RALYL: variants seen among roughly 807,000 people sequenced by gnomAD.
RALYL encodes the protein RNA-binding Raly-like protein.
RALYL carries 29 observed loss-of-function variants against 35.1 expected under a neutral mutation model. That is an observed-to-expected ratio of 0.83 (90% CI 0.61 to 1.13). RALYL has a LOEUF of 1.13. RALYL is among the 50% of genes most tolerant of loss of function. The pLI is 0.00. For missense variants in RALYL, 359 were observed against 360.4 expected (o/e 1.00, Z 0.03); for synonymous variants, 120 against 127.6 (o/e 0.94, Z 0.40).
intron 8 of RALYL, among the ~76,000 whole-genome samples, chr8:84,896,512 T>A (rs1419889371): frequency 2.6e-5 from 4 of 152,166 alleles, no homozygotes; most frequent in African/African-American, 9.7e-5. Flanking sequence ...CTGCCTACCT[T>A]GCTTGGAATA....
intron 8 of RALYL, among the ~76,000 whole-genome samples, chr8:84,891,896 T>A (rs1453529296): frequency 2.0e-5 from 3 of 152,144 alleles, no homozygotes; most frequent in Admixed American, 2.0e-4. Context: ...AAAGATACAA[T>A]ATAATTAGAG....
At chr8:84,647,193 A>G (rs978535535) in intron 2 of RALYL, among the ~76,000 whole-genome samples, 2 of 152,100 alleles carry the variant, frequency 1.3e-5, no homozygotes, top group Non-Finnish European at 1.5e-5. Flanking sequence ...AGAAAGTTAT[A>G]TTAAACAAAG....
chr8:84,472,125 C>T (rs2052850624), intron 1 of RALYL, among the ~76,000 whole-genome samples: 1 of 152,174 alleles, frequency 6.6e-6, no homozygotes, highest in South Asian at 2.1e-4. Flanking sequence ...TTCTCATCTG[C>T]TGCTTATCTA....
intron 2 of RALYL, among the ~76,000 whole-genome samples, chr8:84,716,417 G>T (rs1015752833): frequency 3.3e-5 from 5 of 152,250 alleles, no homozygotes; most frequent in African/African-American, 1.2e-4. Context: ...ATCAGAAAAG[G>T]TTTACTTTTA....
At chr8:84,642,826 C>A (rs1368505356) in intron 2 of RALYL, among the ~76,000 whole-genome samples, 1 of 151,980 alleles carries the variant, frequency 6.6e-6, no homozygotes, top group Non-Finnish European at 1.5e-5. Flanking sequence ...AGCTTTTGAG[C>A]CACCTCAAGG....
At chr8:84,475,839 G>T (rs1378676650) in intron 1 of RALYL, among the ~76,000 whole-genome samples, 1 of 152,064 alleles carries the variant, frequency 6.6e-6, no homozygotes, top group Non-Finnish European at 1.5e-5. Flanking sequence ...AGTCTAGGCT[G>T]GCATAGTCTA....
At chr8:84,715,498 T>C (rs1842828330) in intron 2 of RALYL, among the ~76,000 whole-genome samples, 1 of 151,980 alleles carries the variant, frequency 6.6e-6, no homozygotes, top group Admixed American at 6.6e-5. Flanking sequence ...ATATAAGTTT[T>C]ACCAATATCC....
chr8:84,435,826 G>A (rs574017538), intron 1 of RALYL, among the ~76,000 whole-genome samples: 1 of 152,254 alleles, frequency 6.6e-6, no homozygotes, highest in Admixed American at 6.5e-5. Context: ...TTTCAGGGCA[G>A]GACCCAGTCT....
chr8:84,570,559 G>A (rs1034385564), intron 2 of RALYL, among the ~76,000 whole-genome samples: 3 of 151,768 alleles, frequency 2.0e-5, no homozygotes, highest in African/African-American at 7.3e-5. Flanking sequence ...TTCCAATTTG[G>A]ATGCCTTTTA....
chr8:84,216,132 G>T (rs1158625847), intron 1 of RALYL, among the ~76,000 whole-genome samples: 1 of 152,052 alleles, frequency 6.6e-6, no homozygotes, highest in Non-Finnish European at 1.5e-5. Flanking sequence ...GTACAGATAA[G>T]AAAACAGCTT....
At chr8:84,356,854 T>G (rs951777155) in intron 1 of RALYL, among the ~76,000 whole-genome samples, 2 of 137,220 alleles carry the variant, frequency 1.5e-5, no homozygotes, top group Non-Finnish European at 3.1e-5. Flanking sequence ...TGGGCCAGAT[T>G]CAAATTGAGG....
chr8:84,301,562 A>G (rs1226803621), intron 1 of RALYL, among the ~76,000 whole-genome samples: 1 of 151,852 alleles, frequency 6.6e-6, no homozygotes, highest in Admixed American at 6.6e-5. Flanking sequence ...GAAACTCACA[A>G]CGTGATCTTA....
chr8:84,833,991 G>A (rs764864324), intron 4 of RALYL, among the ~76,000 whole-genome samples: 1 of 151,878 alleles, frequency 6.6e-6, no homozygotes, highest in Non-Finnish European at 1.5e-5. Context: ...ATTTTTAAAA[G>A]CTAGTCTCCA....
intron 2 of RALYL, among the ~76,000 whole-genome samples, chr8:84,658,762 G>T (rs956764970): frequency 6.6e-6 from 1 of 152,068 alleles, no homozygotes; most frequent in Non-Finnish European, 1.5e-5. Flanking sequence ...TCTGTGGCTA[G>T]AATTTGTCAT....
chr8:84,595,434 T>A (rs1193907373), intron 2 of RALYL, among the ~76,000 whole-genome samples: 3 of 152,250 alleles, frequency 2.0e-5, no homozygotes, highest in Non-Finnish European at 2.9e-5. Context: ...ATGACTGATG[T>A]ACAATGAGTC....
At chr8:84,400,746 T>C (rs2042807469) in intron 1 of RALYL, among the ~76,000 whole-genome samples, 2 of 152,186 alleles carry the variant, frequency 1.3e-5, no homozygotes, top group Admixed American at 1.3e-4. Context: ...TTAAATCCTC[T>C]AAGGAAAGCT....
intron 2 of RALYL, among the ~76,000 whole-genome samples, chr8:84,604,975 CA>C (rs11364044): frequency 0.28 from 42,451 of 151,954 alleles, 6,504 homozygotes; most frequent in African/African-American, 0.4. Context: ...GTTCTTCAAA[CA>C]ATTCTACTTG....
intron 1 of RALYL, among the ~76,000 whole-genome samples, chr8:84,472,056 A>T (rs1479188319): frequency 6.6e-6 from 1 of 152,164 alleles, no homozygotes. Flanking sequence ...TATGAATAGT[A>T]CTTTATTTTT....
intron 8 of RALYL, among the ~76,000 whole-genome samples, chr8:84,911,331 G>A (rs957271464): frequency 1.3e-5 from 2 of 152,050 alleles, no homozygotes; most frequent in Non-Finnish European, 2.9e-5. Context: ...TAATAAAACT[G>A]GTTATATCTT....
Sources: allele counts gnomAD v4.1 joint callset (sites outside exome capture counted in the v4.1 genomes callset), GRCh38; gene constraint gnomAD v4.1.1; transcripts MANE v1.5; gene names NCBI Gene and HGNC (gene_info 2026-07-23, HGNC 2026-07-21).